TMEM30A: variants seen among roughly 807,000 people sequenced by gnomAD.
TMEM30A encodes the protein cell division cycle 50 P4-ATPase accessory subunit A.
Under a neutral mutation model 38.2 loss-of-function variants are expected in TMEM30A, and 24 were observed. That is an observed-to-expected ratio of 0.63 (90% CI 0.46 to 0.88). TMEM30A has a LOEUF of 0.88. TMEM30A is among the 40% of genes least tolerant of loss of function. TMEM30A has a pLI of 0.00. For synonymous variants in TMEM30A, 145 were observed against 161.6 expected, an observed-to-expected ratio of 0.90 and a Z score of 0.78; for missense variants, 370 against 458.6, an observed-to-expected ratio of 0.81 and a Z score of 1.77.
At chr6:75,284,178 T>C (rs1772415799) in intron 1 of TMEM30A, 1 of 600,838 alleles carries the variant, frequency 1.7e-6, no homozygotes, top group Non-Finnish European at 3.0e-6. Context: ...TCCGTGGATT[T>C]GCTCTTTCGT....
intron 1 of TMEM30A, among the ~76,000 whole-genome samples, chr6:75,278,160 A>G (rs148101939): frequency 6.6e-6 from 1 of 152,354 alleles, no homozygotes; most frequent in African/African-American, 2.4e-5. Context: ...TATAATCAAT[A>G]TAAAAATGCA....
intron 1 of TMEM30A, among the ~76,000 whole-genome samples, chr6:75,271,978 G>A (rs188401676): frequency 3.6e-4 from 55 of 152,256 alleles, no homozygotes; most frequent in Admixed American, 3.3e-4. Flanking sequence ...GAGAGAAAGA[G>A]GTGGCATATG....
chr6:75,256,913 AATTATCT>A (rs1198463861), intron 6 of TMEM30A: 2 of 335,808 alleles, frequency 6.0e-6, no homozygotes, highest in African/African-American at 4.4e-5. Context: ...GTACTAGATG[AATTATCT>A]ACATGGACCA....
intron 5 of TMEM30A, 141 bp downstream of exon 5, chr6:75,259,205 AT>A: frequency 1.0e-6 from 1 of 965,754 alleles, no homozygotes. Context: ...ACATTAGAAC[AT>A]TTACCTAACT....
chr6:75,259,059 A>G (rs749941707), intron 5 of TMEM30A, 73 bp from the exon 6 acceptor site: 1 of 1,287,206 alleles, frequency 7.8e-7, no homozygotes, highest in Non-Finnish European at 1.1e-6. Context: ...AGAAACGAAT[A>G]AATTTGGATA....
intron 3 of TMEM30A, among the ~76,000 whole-genome samples, chr6:75,262,719 C>T (rs919843565): frequency 9.9e-5 from 15 of 151,646 alleles, no homozygotes; most frequent in Non-Finnish European, 1.6e-4. Flanking sequence ...GCAGCATGTA[C>T]AATACTAGGT....
intron 1 of TMEM30A, among the ~76,000 whole-genome samples, chr6:75,279,114 G>A (rs967818689): frequency 2.0e-5 from 3 of 151,464 alleles, no homozygotes; most frequent in African/African-American, 7.3e-5. Context: ...GCTCCAAAAA[G>A]GTGTGTGGGG....
At chr6:75,283,400 GA>G (rs529658069) in intron 1 of TMEM30A, among the ~76,000 whole-genome samples, 6,245 of 145,538 alleles carry the variant, frequency 0.043, 436 homozygotes, top group African/African-American at 0.15. Context: ...AATAGATTTA[GA>G]AAAAAAAAAA....
At position 75,275,842 on chromosome 6, in the gene TMEM30A, GTC is replaced by G. The variant is rs60468471; in HGVS notation, c.238-8096_238-8095del. 7.3e-3 allele frequency among the ~76,000 whole-genome samples: 1,114 copies of G among 152,216 alleles called. 12 individuals carry two copies. The highest frequency in any genetic ancestry group is 0.026 in the African/African-American group (1,066 of 41,520). On this transcript the variant is annotated intron_variant, in intron 1 of 6. Transcript: ENST00000230461. ...AGAGCTCCTAAAAAAAACTCTTACA[GTC>G]TCTGAGTGATGAGTGTCTTTCATAT...
chr6:75,266,510 TTGAAGTTCCC>T (rs1259496288), intron 2 of TMEM30A, among the ~76,000 whole-genome samples: 3 of 152,216 alleles, frequency 2.0e-5, no homozygotes, highest in African/African-American at 7.2e-5. Flanking sequence ...AATAACCTAC[TTGAAGTTCCC>T]TGAAGAGTTT....
chr6:75,277,104 T>G (rs1772274652), intron 1 of TMEM30A, among the ~76,000 whole-genome samples: 1 of 152,112 alleles, frequency 6.6e-6, no homozygotes, highest in African/African-American at 2.4e-5. Context: ...TTTAACATAC[T>G]TCAAATGCAG....
intron 3 of TMEM30A, among the ~76,000 whole-genome samples, chr6:75,264,880 T>C (rs371204627): frequency 6.6e-6 from 1 of 151,984 alleles, no homozygotes; most frequent in African/African-American, 2.4e-5. Flanking sequence ...GGTGGGCAGA[T>C]CATGAGGTCA....
chr6:75,279,792 A>G (rs1016166422), intron 1 of TMEM30A, among the ~76,000 whole-genome samples: 4 of 152,194 alleles, frequency 2.6e-5, no homozygotes, highest in Admixed American at 2.6e-4. Context: ...GAGGAATTTG[A>G]AAGATGCGCA....
At position 75,255,163 on chromosome 6, in the gene TMEM30A, C is replaced by T. The variant is rs1582271982; in HGVS notation, c.*939G>A. 1 of 152,512 alleles carries T rather than the reference C, an allele frequency of 6.6e-6. No homozygotes were observed. Among genetic ancestry groups the T allele is most frequent in the East Asian group, 1.9e-4 (1 of 5,200 alleles). 9.4% of individuals were successfully genotyped at this position (152,512 alleles called of 1,614,324 possible). On this transcript the variant is annotated 3_prime_UTR_variant, in exon 7 of 7. Coordinates refer to ENST00000230461, the MANE Select transcript of TMEM30A (RefSeq NM_018247.4). ...GAATATTAGTACTTAAGTCAAAACA[C>T]TTACCTGCAGAATAAAAACAGCCTG...
At chr6:75,257,574 G>C (rs1771886175) in intron 6 of TMEM30A, among the ~76,000 whole-genome samples, 1 of 152,116 alleles carries the variant, frequency 6.6e-6, no homozygotes, top group African/African-American at 2.4e-5. Context: ...TCTCTAGTTT[G>C]ACTATCCCCT....
intron 4 of TMEM30A, 104 bp from the exon 5 acceptor site, chr6:75,259,594 G>T: frequency 1.9e-6 from 2 of 1,038,764 alleles, no homozygotes; most frequent in Non-Finnish European, 2.7e-6. Context: ...TCCAAAAGTG[G>T]TTGTGACAGA....
At position 75,255,876 on chromosome 6, in the gene TMEM30A, G is replaced by T; in HGVS notation, c.*226C>A. ...AAGCAAACATTAGAATGCCATTTCA[G>T]CAGTTACAGTGTTGATATGATCAAT... On this transcript the variant is annotated 3_prime_UTR_variant, in exon 7 of 7. Transcript: ENST00000230461. 2.5e-6 allele frequency: 1 copy of T among 392,596 alleles called. No individual in the cohort carries two copies. Among genetic ancestry groups the T allele is most frequent in the Non-Finnish European group, 4.6e-6 (1 of 219,424 alleles). 24.3% of individuals were successfully genotyped at this position (392,596 alleles called of 1,614,324 possible). A position where few individuals can be genotyped will look rare whatever the true frequency, so the allele number is the denominator to read the frequency against.
chr6:75,269,994 C>A lies in TMEM30A; in HGVS notation c.238-2246G>T, dbSNP rs1772139026. ...AGGCATGAGCCACCGCGCCCGGCCC[C>A]ATTATTTCTCTTAAATTCTTATTTT... On this transcript the variant is annotated intron_variant, in intron 1 of 6. Transcript: ENST00000230461. 2.0e-5 allele frequency among the ~76,000 whole-genome samples: 3 copies of A among 151,934 alleles called. No individual in the cohort carries two copies. The South Asian group carries it at 6.2e-4, about 32-fold the overall frequency.
intron 1 of TMEM30A, chr6:75,272,699 A>C (rs2149522655): frequency 6.6e-6 from 1 of 152,336 alleles, no homozygotes; most frequent in African/African-American, 2.4e-5. Context: ...CTCTATGCTG[A>C]CTTTTCTTCA....
Sources: allele counts gnomAD v4.1 joint callset (sites outside exome capture counted in the v4.1 genomes callset), GRCh38; gene constraint gnomAD v4.1.1; transcripts MANE v1.5; gene names NCBI Gene and HGNC (gene_info 2026-07-23, HGNC 2026-07-21).